SRCIN1: variants seen among roughly 807,000 people sequenced by gnomAD.
SRCIN1 encodes the protein P130Cas-associated protein.
Under a neutral mutation model 116.2 loss-of-function variants are expected in SRCIN1, and 50 were observed. The ratio of observed to expected loss-of-function variants is 0.43; its 90% CI spans 0.34 to 0.54. The LOEUF (loss-of-function observed/expected upper bound fraction) is 0.54, where lower values mean the gene tolerates loss of function less well. Among genes scored for constraint, SRCIN1 ranks in the 20% least tolerant of loss-of-function variants. The pLI is 0.02. For missense variants in SRCIN1, 1,446 were observed against 1,672.0 expected, an observed-to-expected ratio of 0.86 and a Z score of 2.36; for synonymous variants, 736 against 750.0, an observed-to-expected ratio of 0.98 and a Z score of 0.30.
At chr17:38,584,480 G>A (rs1013993745) in intron 1 of SRCIN1, among the ~76,000 whole-genome samples, 18 of 152,360 alleles carry the variant, frequency 1.2e-4, no homozygotes, top group Non-Finnish European at 8.8e-5. Context: ...CCTGGGAAAC[G>A]CGGAAGGTGA....
At position 38,563,776 on chromosome 17, in the gene SRCIN1, G is replaced by A. The variant is rs1906462578; in HGVS notation, c.542-255C>T. On this transcript the variant is annotated intron_variant, in intron 4 of 18. Transcript: ENST00000617146. This position sits in a 1 kb window ranked among gnomAD's most constrained non-coding sequence, Gnocchi z 5.8. ...ACTTGGACAAGGAAATGGAAGTGGG[G>A]GCAGAGCAGGTGGGGCGGAAACTGA... 1.5e-6 allele frequency: 1 copy of A among 672,860 alleles called. No homozygotes were observed. The highest frequency in any genetic ancestry group is 2.6e-6 in the Non-Finnish European group (1 of 377,784). The allele number at this position is 672,860 out of a possible 1,614,324, so 41.7% of individuals were successfully genotyped here. A position where few individuals can be genotyped will look rare whatever the true frequency, so the allele number is the denominator to read the frequency against.
intron 18 of SRCIN1, chr17:38,541,458 G>A (rs1052685639): frequency 1.3e-5 from 2 of 152,138 alleles, no homozygotes; most frequent in African/African-American, 2.4e-5. Flanking sequence ...CAGCGTGGTC[G>A]GGGGAGCATT....
intron 18 of SRCIN1, among the ~76,000 whole-genome samples, chr17:38,534,935 G>T (rs1295994783): frequency 6.6e-6 from 1 of 152,006 alleles, no homozygotes; most frequent in Non-Finnish European, 1.5e-5. Context: ...GACCAGCCTG[G>T]GTAACATGGC....
intron 11 of SRCIN1, among the ~76,000 whole-genome samples, chr17:38,555,295 C>T (rs921706435): frequency 6.6e-6 from 1 of 152,198 alleles, no homozygotes; most frequent in Non-Finnish European, 1.5e-5. Context: ...GCTTCCAGAC[C>T]TGGCTCACAA....
At position 38,572,346 on chromosome 17, in the gene SRCIN1, CAG is replaced by C. The variant is rs1484594995; in HGVS notation, c.325-4117_325-4116del. Among the ~76,000 whole-genome samples the C allele has an allele frequency of 2.2e-5, 1 of 46,192 alleles. No individual in the cohort carries two copies. Among genetic ancestry groups the C allele is most frequent in the Non-Finnish European group, 4.1e-5 (1 of 24,606 alleles). The allele number at this position is 46,192 out of a possible 152,430, so 30.3% of individuals were successfully genotyped here. A position where few individuals can be genotyped will look rare whatever the true frequency, so the allele number is the denominator to read the frequency against. ...TGACACCCTCATCTCCTTCCCAATG[CAG>C]AGTGTGTGTGTGGGTGGGTGGGTGG... On this transcript the variant is annotated intron_variant, in intron 2 of 18. Coordinates refer to ENST00000617146, the MANE Select transcript of SRCIN1 (RefSeq NM_025248.3). The surrounding 1 kb of genome is among the most constrained non-coding windows in gnomAD (Gnocchi z 4.3).
Position 38,561,541 on chromosome 17 carries a change from G to T in SRCIN1, c.1622C>A (p.Ser541Ter). ...GSASTAGAPP[S>*]ELFPGPGERS... Reference sequence around the variant, plus strand: ...TTCCCCAGGCCCAGGGAAGAGCTCCGAAGGGGGAGCTCCGGCCGTCGAGGC... The same window carrying T: ...TTCCCCAGGCCCAGGGAAGAGCTCCTAAGGGGGAGCTCCGGCCGTCGAGGC... The change falls in exon 7 of 19, where the codon TCG becomes TAG. Residue 541 changes from serine to a stop codon, truncating the protein, a stop_gained. Transcript: ENST00000617146. LOFTEE classifies it high-confidence loss of function. 1 of 1,601,146 alleles carries T rather than the reference G, an allele frequency of 6.2e-7. No individual in the cohort carries two copies.
At chr17:38,547,761 T>C in intron 17 of SRCIN1, 1 of 313,382 alleles carries the variant, frequency 3.2e-6, no homozygotes, top group Non-Finnish European at 6.3e-6. Flanking sequence ...CCCGTTACCT[T>C]CCGTGTAGGG....
chr17:38,561,837 C>A lies in SRCIN1; in HGVS notation c.1326G>T (p.Ala442=). 2 of 1,475,554 alleles carry A rather than the reference C, an allele frequency of 1.4e-6. No homozygotes were observed. Among genetic ancestry groups the A allele is most frequent in the South Asian group, 2.6e-5 (2 of 76,816 alleles). 91.4% of individuals were successfully genotyped at this position (1,475,554 alleles called of 1,614,324 possible). A position where few individuals can be genotyped will look rare whatever the true frequency, so the allele number is the denominator to read the frequency against. Residue 442 remains alanine, a synonymous_variant, in exon 7 of 19, where the codon GCG becomes GCT. Coordinates refer to ENST00000617146, the MANE Select transcript of SRCIN1 (RefSeq NM_025248.3). ...VRSLSTYSAA[A]LQSDLEDSLY... ...GGGAGTCCTCCAGATCGGACTGCAG[C>A]GCGGCGGCCGAGTAGGTGCTGAGCG...
chr17:38,562,682 G>A lies in SRCIN1; in HGVS notation c.834+145C>T. On this transcript the variant is annotated intron_variant, in intron 6 of 18. Coordinates refer to ENST00000617146, the MANE Select transcript of SRCIN1 (RefSeq NM_025248.3). This position sits in a 1 kb window ranked among gnomAD's most constrained non-coding sequence, Gnocchi z 4.2. ...GGAATGGAGGGGAAAGTGGCAGGTG[G>A]GACAGGGGCTCTTCCCTAACCCCTC... is the stretch of plus-strand genomic sequence containing the variant. The A allele has an allele frequency of 1.4e-6, 1 of 716,226 alleles. No homozygotes were observed. Among genetic ancestry groups the A allele is most frequent in the Middle Eastern group, 3.8e-4 (1 of 2,610 alleles). The allele number at this position is 716,226 out of a possible 1,614,324, so 44.4% of individuals were successfully genotyped here.
At chr17:38,583,805 G>C (rs1258245550) in intron 1 of SRCIN1, among the ~76,000 whole-genome samples, 1 of 151,894 alleles carries the variant, frequency 6.6e-6, no homozygotes, top group Non-Finnish European at 1.5e-5. Flanking sequence ...CGCCCGCCTC[G>C]GCCTCCCAAA....
chr17:38,575,650 C>T (rs1490350134), intron 2 of SRCIN1, among the ~76,000 whole-genome samples: 1 of 152,146 alleles, frequency 6.6e-6, no homozygotes, highest in Non-Finnish European at 1.5e-5. Flanking sequence ...AAAGGTGTCA[C>T]ACCTACCTCA....
intron 2 of SRCIN1, among the ~76,000 whole-genome samples, chr17:38,575,878 C>T (rs1036017171): frequency 3.3e-5 from 5 of 152,178 alleles, no homozygotes; most frequent in Non-Finnish European, 7.3e-5. Flanking sequence ...CTCATTCTCT[C>T]ATTCATTCCA....
intron 18 of SRCIN1, among the ~76,000 whole-genome samples, chr17:38,540,020 C>CAAAA (rs71138631): frequency 1.5e-4 from 9 of 60,970 alleles, no homozygotes; most frequent in African/African-American, 2.8e-4. Context: ...GACTCCATCT[C>CAAAA]AAAAAAAAAA....
intron 1 of SRCIN1, among the ~76,000 whole-genome samples, chr17:38,589,948 T>G (rs1011400958): frequency 3.3e-5 from 5 of 152,198 alleles, no homozygotes; most frequent in Non-Finnish European, 7.3e-5. Flanking sequence ...GCAAGTCGGC[T>G]TGGCCTCTGG....
chr17:38,568,124 G>A lies in SRCIN1; in HGVS notation c.345+87C>T, dbSNP rs746040514. 7.2e-6 allele frequency: 11 copies of A among 1,519,246 alleles called. No individual in the cohort carries two copies. The highest frequency in any genetic ancestry group is 2.3e-5 in the East Asian group (1 of 43,894). The allele number at this position is 1,519,246 out of a possible 1,614,324, so 94.1% of individuals were successfully genotyped here. A position where few individuals can be genotyped will look rare whatever the true frequency, so the allele number is the denominator to read the frequency against. ...AGGTGTCCGTGCAGATGCGCACCCC[G>A]GTGCAAAGCCTGTGCAAGGGAGAGG... is the stretch of plus-strand genomic sequence containing the variant. On this transcript the variant is annotated intron_variant, in intron 3 of 18. Coordinates refer to ENST00000617146, the MANE Select transcript of SRCIN1 (RefSeq NM_025248.3). This position sits in a 1 kb window ranked among gnomAD's most constrained non-coding sequence, Gnocchi z 4.5.
chr17:38,533,146 G>A lies in SRCIN1; in HGVS notation c.*151C>T. On this transcript the variant is annotated 3_prime_UTR_variant, in exon 19 of 19. Coordinates refer to ENST00000617146, the MANE Select transcript of SRCIN1 (RefSeq NM_025248.3). Reference sequence around the variant, plus strand: ...AAAACACCAACAGATGATGGGTAGGGGTCGCTGAGGAGGGCCGCACCCTCC... The same window carrying A: ...AAAACACCAACAGATGATGGGTAGGAGTCGCTGAGGAGGGCCGCACCCTCC... 2 of 732,806 alleles carry A rather than the reference G, an allele frequency of 2.7e-6. No homozygotes were observed. The highest frequency in any genetic ancestry group is 3.8e-6 in the Non-Finnish European group (2 of 526,276). The allele number at this position is 732,806 out of a possible 1,614,324, so 45.4% of individuals were successfully genotyped here. A position where few individuals can be genotyped will look rare whatever the true frequency, so the allele number is the denominator to read the frequency against.
At chr17:38,601,322 G>T (rs986318150) in intron 1 of SRCIN1, among the ~76,000 whole-genome samples, 1 of 152,162 alleles carries the variant, frequency 6.6e-6, no homozygotes, top group Non-Finnish European at 1.5e-5. Context: ...GGCGTGGATG[G>T]GGCTCCAGGC....
At chr17:38,551,759 A>G (rs1198987904) in intron 14 of SRCIN1, 127 bp downstream of exon 14, 1 of 1,494,012 alleles carries the variant, frequency 6.7e-7, no homozygotes, top group Admixed American at 1.7e-5. Flanking sequence ...GGCTTCCATT[A>G]GGGCACTGGC....
chr17:38,550,852 G>A (rs1035660379), intron 15 of SRCIN1, among the ~76,000 whole-genome samples: 7 of 152,362 alleles, frequency 4.6e-5, no homozygotes, highest in South Asian at 2.1e-4. Flanking sequence ...AACACAGCCT[G>A]GTTTGGGGCA....
Sources: allele counts gnomAD v4.1 joint callset (sites outside exome capture counted in the v4.1 genomes callset), GRCh38; gene constraint gnomAD v4.1.1; non-coding constraint Gnocchi (gnomAD v3.1); transcripts MANE v1.5; gene names NCBI Gene and HGNC (gene_info 2026-07-23, HGNC 2026-07-21).